WWOX: variants seen among roughly 807,000 people sequenced by gnomAD.
WWOX encodes the protein WW domain-containing oxidoreductase.
Under a neutral mutation model 46.2 loss-of-function variants are expected in WWOX, and 69 were observed. That is an observed-to-expected ratio of 1.49 (90% CI 1.23 to 1.82). The LOEUF (loss-of-function observed/expected upper bound fraction) is 1.82, where lower values mean the gene tolerates loss of function less well. WWOX is among the 40% of genes most tolerant of loss of function. The pLI is 0.00. For missense variants in WWOX, 919 were observed against 542.6 expected, an observed-to-expected ratio of 1.69 and a Z score of -6.89; for synonymous variants, 359 against 202.6, an observed-to-expected ratio of 1.77 and a Z score of -6.56.
At chr16:78,786,741 G>C (rs1325824141) in intron 8 of WWOX, among the ~76,000 whole-genome samples, 2 of 152,148 alleles carry the variant, frequency 1.3e-5, no homozygotes, top group Non-Finnish European at 2.9e-5. Context: ...CCTTTAAAGA[G>C]CTTATCATTA....
In WWOX at chr16:78,690,429, G is replaced by A. The variant is rs1000802089; in HGVS notation, c.1056+257677G>A. On this transcript the variant is annotated intron_variant, in intron 8 of 8. Transcript: ENST00000566780. The stretch of plus-strand genomic sequence containing the variant: ...TAGCCAGGTGCGGAGGCATTCACCT[G>A]TATTCCTAGCTACTCAGGAAGCTGA... Among the ~76,000 whole-genome samples, 11 of 152,206 alleles carry A rather than the reference G, an allele frequency of 7.2e-5. No homozygotes were observed. The East Asian group carries it at 1.6e-3, about 22-fold the overall frequency.
intron 8 of WWOX, among the ~76,000 whole-genome samples, chr16:79,091,674 C>G (rs189852235): frequency 1.3e-5 from 2 of 152,112 alleles, no homozygotes; most frequent in Admixed American, 6.5e-5. Flanking sequence ...ATATTCTTAC[C>G]TCTTCGTTAA....
intron 8 of WWOX, among the ~76,000 whole-genome samples, chr16:79,058,914 A>T (rs570115498): frequency 6.6e-6 from 1 of 152,352 alleles, no homozygotes; most frequent in Non-Finnish European, 1.5e-5. Context: ...TACACTTTGG[A>T]CATGTCAAAA....
intron 8 of WWOX, among the ~76,000 whole-genome samples, chr16:78,874,533 C>A (rs1469091874): frequency 6.6e-6 from 1 of 152,036 alleles, no homozygotes; most frequent in African/African-American, 2.4e-5. Flanking sequence ...GCCTGGTATA[C>A]AGGAAGAACT....
At chr16:78,979,098 T>TC (rs2046630069) in intron 8 of WWOX, among the ~76,000 whole-genome samples, 1 of 151,484 alleles carries the variant, frequency 6.6e-6, no homozygotes, top group South Asian at 2.1e-4. Context: ...TTTTTTTTTT[T>TC]TCCCTATACA....
intron 8 of WWOX, among the ~76,000 whole-genome samples, chr16:78,480,405 TCAA>T (rs1401719869): frequency 6.6e-6 from 1 of 152,258 alleles, no homozygotes; most frequent in Non-Finnish European, 1.5e-5. Context: ...ATTAAACATC[TCAA>T]CACATTTATT....
At chr16:79,210,378 G>C (rs1401015401) in intron 8 of WWOX, among the ~76,000 whole-genome samples, 1 of 152,136 alleles carries the variant, frequency 6.6e-6, no homozygotes, top group Non-Finnish European at 1.5e-5. Flanking sequence ...TTGCAAACCA[G>C]ACCATTTGAG....
At chr16:79,040,107 G>C (rs2047941807) in intron 8 of WWOX, among the ~76,000 whole-genome samples, 1 of 152,118 alleles carries the variant, frequency 6.6e-6, no homozygotes, top group Non-Finnish European at 1.5e-5. Flanking sequence ...CCCATAGGTT[G>C]CTGTGAAGAT....
chr16:78,939,628 T>C (rs894960079), intron 8 of WWOX, among the ~76,000 whole-genome samples: 1 of 152,254 alleles, frequency 6.6e-6, no homozygotes, highest in African/African-American at 2.4e-5. Flanking sequence ...GGTCAAATTA[T>C]TCAATGATCA....
chr16:78,366,130 A>G (rs72794094), intron 5 of WWOX, among the ~76,000 whole-genome samples: 8,067 of 152,300 alleles, frequency 0.053, 285 homozygotes, highest in East Asian at 0.12. Flanking sequence ...AGAAACCCCT[A>G]TTTCAATTTA....
intron 5 of WWOX, among the ~76,000 whole-genome samples, chr16:78,366,642 A>G (rs549949792): frequency 3.9e-5 from 6 of 152,338 alleles, no homozygotes; most frequent in Admixed American, 3.3e-4. Context: ...GTTAATTTAT[A>G]TCTCGTCTGT....
chr16:78,644,325 G>T (rs890628954), intron 8 of WWOX, among the ~76,000 whole-genome samples: 1 of 152,130 alleles, frequency 6.6e-6, no homozygotes, highest in African/African-American at 2.4e-5. Flanking sequence ...CAGATGGACA[G>T]ACACCTACCC....
At chr16:78,408,340 C>A (rs12596102) in intron 6 of WWOX, among the ~76,000 whole-genome samples, 7 of 152,148 alleles carry the variant, frequency 4.6e-5, no homozygotes, top group Admixed American at 4.6e-4. Flanking sequence ...TTAGCATGTA[C>A]CCTCCATTCT....
intron 5 of WWOX, among the ~76,000 whole-genome samples, chr16:78,331,508 C>G (rs1217542215): frequency 6.6e-6 from 1 of 152,086 alleles, no homozygotes; most frequent in East Asian, 1.9e-4. Flanking sequence ...AGTTTTTGTC[C>G]ATTCATTTTG....
intron 8 of WWOX, among the ~76,000 whole-genome samples, chr16:79,181,552 G>T (rs1184685870): frequency 6.6e-6 from 1 of 151,928 alleles, no homozygotes; most frequent in Non-Finnish European, 1.5e-5. Flanking sequence ...AAAACTCTTG[G>T]TAGGGGTTTT....
intron 4 of WWOX, among the ~76,000 whole-genome samples, chr16:78,116,431 G>A (rs556096255): frequency 3.1e-4 from 47 of 152,316 alleles, no homozygotes; most frequent in Non-Finnish European, 5.4e-4. Flanking sequence ...CATCCGAGTG[G>A]AGAATTTTTT....
intron 8 of WWOX, among the ~76,000 whole-genome samples, chr16:78,942,082 C>G (rs951601097): frequency 2.0e-5 from 3 of 152,100 alleles, no homozygotes; most frequent in African/African-American, 7.2e-5. Context: ...TTAGTATGCC[C>G]AAGTTCAAAT....
intron 8 of WWOX, among the ~76,000 whole-genome samples, chr16:78,776,637 A>G (rs1314609276): frequency 1.3e-5 from 2 of 152,140 alleles, no homozygotes; most frequent in African/African-American, 4.8e-5. Flanking sequence ...ACACTGCTAT[A>G]AAAAACTGCC....
At chr16:79,124,285 A>G (rs11647295) in intron 8 of WWOX, among the ~76,000 whole-genome samples, 27,156 of 152,104 alleles carry the variant, frequency 0.18, 2,856 homozygotes, top group African/African-American at 0.29. Context: ...TCTTAAAAGC[A>G]TCCGCGCTTG....
Sources: allele counts gnomAD v4.1 joint callset (sites outside exome capture counted in the v4.1 genomes callset), GRCh38; gene constraint gnomAD v4.1.1; transcripts MANE v1.5; gene names NCBI Gene and HGNC (gene_info 2026-07-23, HGNC 2026-07-21).